MTREX: variants seen among roughly 807,000 people sequenced by gnomAD.
The protein encoded by MTREX is Mtr4 exosome RNA helicase.
In MTREX, 76 loss-of-function variants were observed where a neutral mutation model predicts 135.4. The observed-to-expected ratio is 0.56, with a 90% CI of 0.47 to 0.68. MTREX has a LOEUF of 0.68. Among genes scored for constraint, MTREX ranks in the 30% least tolerant of loss-of-function variants. The pLI is 0.00. For synonymous variants in MTREX, 404 were observed against 401.6 expected (o/e 1.01, Z -0.07); for missense variants, 920 against 1,262.1 (o/e 0.73, Z 4.11).
At position 55,425,286 on chromosome 5, in the gene MTREX, T is replaced by C. The variant is rs778779412; in HGVS notation, c.*514T>C. The C allele has an allele frequency of 6.2e-6, 10 of 1,611,328 alleles. No homozygotes were observed. Among genetic ancestry groups the C allele is most frequent in the Middle Eastern group, 1.6e-4 (1 of 6,080 alleles). On this transcript the variant is annotated 3_prime_UTR_variant, in exon 27 of 27. Transcript: ENST00000230640. ...GTTGTATGAGAGTCCTCCTCTTTTCTTTCTTTAAAAGAAGTTCTTTCTTTG... is the reference window on the plus strand; with the variant it reads ...GTTGTATGAGAGTCCTCCTCTTTTCCTTCTTTAAAAGAAGTTCTTTCTTTG...
intron 18 of MTREX, among the ~76,000 whole-genome samples, chr5:55,384,018 G>A (rs1049276531): frequency 3.2e-4 from 48 of 152,194 alleles, no homozygotes; most frequent in Middle Eastern, 3.4e-3. Context: ...CAATCCTCCC[G>A]CCTTGGTCTC....
intron 13 of MTREX, among the ~76,000 whole-genome samples, chr5:55,351,691 T>C (rs1403898142): frequency 6.6e-6 from 1 of 152,160 alleles, no homozygotes; most frequent in Non-Finnish European, 1.5e-5. Context: ...TGGTTAGACT[T>C]AGGAAAGAGA....
rs1349183916 is a variant in MTREX at position 55,410,612 on chromosome 5, T to C, written c.2734T>C (p.Phe912Leu). The C allele has an allele frequency of 7.5e-6, 12 of 1,604,012 alleles. No individual in the cohort carries two copies. Among genetic ancestry groups the C allele is most frequent in the Middle Eastern group, 1.7e-4 (1 of 6,040 alleles). Residue 912 changes from phenylalanine (F) to leucine (L), a missense_variant, in exon 23 of 27, where the codon TTT becomes CTT. Physicochemically the swap from Phe to Leu is conservative, Grantham distance 22 (BLOSUM62 0). Transcript: ENST00000230640. ...ACAGGCAACAGCATTATTAAGCTGCTTTGTGTTTCAAGAGAATGTAAGTTA... is the reference window on the plus strand; with the variant it reads ...ACAGGCAACAGCATTATTAAGCTGCCTTGTGTTTCAAGAGAATGTAAGTTA... Reference protein sequence around the residue: ...AEQATALLSCFVFQENSSEMP... With the variant: ...AEQATALLSCLVFQENSSEMP...
At chr5:55,332,004 C>G (rs1390471988) in intron 5 of MTREX, among the ~76,000 whole-genome samples, 2 of 152,116 alleles carry the variant, frequency 1.3e-5, no homozygotes, top group African/African-American at 4.8e-5. Context: ...TGTATTACTA[C>G]AATAGTGCAC....
intron 3 of MTREX, among the ~76,000 whole-genome samples, chr5:55,325,400 C>T (rs1242098849): frequency 8.8e-5 from 13 of 148,002 alleles, no homozygotes; most frequent in Non-Finnish European, 1.8e-4. Context: ...GATGTGATCT[C>T]GGCTCACTGC....
intron 23 of MTREX, 31 bp downstream of exon 23, chr5:55,410,660 A>G (rs780385595): frequency 7.5e-7 from 1 of 1,330,012 alleles, no homozygotes; most frequent in Non-Finnish European, 1.1e-6. Context: ...CATCTTATTT[A>G]TTAATTCACA....
At chr5:55,366,935 C>A in intron 16 of MTREX, 60 bp downstream of exon 16, 1 of 1,350,014 alleles carries the variant, frequency 7.4e-7, no homozygotes, top group South Asian at 1.7e-5. Flanking sequence ...AGCAAAATGT[C>A]TGCATTATTG....
chr5:55,320,145 CAG>C lies in MTREX; in HGVS notation c.135-2178_135-2177del, dbSNP rs1431106638. Among the ~76,000 whole-genome samples, 3 of 151,608 alleles carry C rather than the reference CAG, an allele frequency of 2.0e-5. No homozygotes were observed. In the East Asian group the frequency reaches 5.8e-4, roughly 29 times the overall value. ...ACAAATTTTAGGTTTTGCTAGGTAT[CAG>C]AGAATGGACTTCATTATGGAAAGGT... On this transcript the variant is annotated intron_variant, in intron 1 of 26. Coordinates refer to ENST00000230640, the MANE Select transcript of MTREX (RefSeq NM_015360.5).
rs149780553 is a variant in MTREX, at chr5:55,351,662, G to T, written c.1431+633G>T. ...CATACAGAATAAAAGGATTAGTTTA[G>T]AGAAGACAAGGAAATTGCTGGTTAG... is the stretch of plus-strand genomic sequence containing the variant. On this transcript the variant is annotated intron_variant, in intron 13 of 26. Coordinates refer to ENST00000230640, the MANE Select transcript of MTREX (RefSeq NM_015360.5). Among the ~76,000 whole-genome samples, 204 of 152,290 alleles carry T rather than the reference G, an allele frequency of 1.3e-3. 2 individuals are homozygous for T. The Middle Eastern group carries it at 0.024, about 18-fold the overall frequency.
chr5:55,422,103 T>C (rs1005160966), intron 25 of MTREX, among the ~76,000 whole-genome samples: 1 of 152,232 alleles, frequency 6.6e-6, no homozygotes, highest in Non-Finnish European at 1.5e-5. Context: ...GTATTCCTAA[T>C]GTATTTCATA....
chr5:55,355,290 C>G (rs933787489), intron 14 of MTREX, among the ~76,000 whole-genome samples: 2 of 152,122 alleles, frequency 1.3e-5, no homozygotes, highest in African/African-American at 4.8e-5. Context: ...GCACTGGAGC[C>G]TGATGGAAAA....
rs369165825 is a variant in MTREX, at chr5:55,424,838, T to C, written c.*66T>C. On this transcript the variant is annotated 3_prime_UTR_variant, in exon 27 of 27. Coordinates refer to ENST00000230640, the MANE Select transcript of MTREX (RefSeq NM_015360.5). The stretch of plus-strand genomic sequence containing the variant: ...CTGTTTGATTACAGTTGACTACAAA[T>C]GCCTGCAAGTGTGGATTTGGTTCTC... 1 of 1,125,300 alleles carries C rather than the reference T, an allele frequency of 8.9e-7. No individual in the cohort carries two copies. Among genetic ancestry groups the C allele is most frequent in the African/African-American group, 1.5e-5 (1 of 64,952 alleles). The allele number at this position is 1,125,300 out of a possible 1,614,324, so 69.7% of individuals were successfully genotyped here.
chr5:55,425,578 T>C lies in MTREX; in HGVS notation c.*806T>C. The C allele has an allele frequency of 2.2e-6, 1 of 452,566 alleles. No individual in the cohort carries two copies. The allele number at this position is 452,566 out of a possible 1,614,324, so 28.0% of individuals were successfully genotyped here. A position where few individuals can be genotyped will look rare whatever the true frequency, so the allele number is the denominator to read the frequency against. ...CAATACTGAATAAAAGAGTTATTTC[T>C]ACATGTGAATTAGTTTTTTCAAGTC... is the stretch of plus-strand genomic sequence containing the variant. On this transcript the variant is annotated 3_prime_UTR_variant, in exon 27 of 27. Transcript: ENST00000230640.
At chr5:55,374,728 A>T (rs1411370740) in intron 16 of MTREX, among the ~76,000 whole-genome samples, 1 of 152,224 alleles carries the variant, frequency 6.6e-6, no homozygotes, top group African/African-American at 2.4e-5. Flanking sequence ...AGAAAACTGC[A>T]ACTATATATT....
At chr5:55,382,022 A>T (rs1430940488) in intron 18 of MTREX, among the ~76,000 whole-genome samples, 3 of 151,738 alleles carry the variant, frequency 2.0e-5, no homozygotes. Context: ...TTAAATTTTC[A>T]GTCTTGTTTA....
In MTREX at chr5:55,330,662, G is replaced by GTTTT. The variant is rs200025624; in HGVS notation, c.515+1859_515+1862dup. Among the ~76,000 whole-genome samples, 6 of 144,886 alleles carry GTTTT rather than the reference G, an allele frequency of 4.1e-5. No homozygotes were observed. The South Asian group carries it at 1.3e-3, about 32-fold the overall frequency. ...TCTTGATTATAATGTGACTGAGATAGTTTTTTTTTTTCCCATGTTTCTTAT... is the reference window on the plus strand; with the variant it reads ...TCTTGATTATAATGTGACTGAGATAGTTTTTTTTTTTTTTTCCCATGTTTCTTAT... On this transcript the variant is annotated intron_variant, in intron 5 of 26. Coordinates refer to ENST00000230640, the MANE Select transcript of MTREX (RefSeq NM_015360.5).
intron 15 of MTREX, among the ~76,000 whole-genome samples, chr5:55,360,321 T>C (rs1008351426): frequency 1.3e-5 from 2 of 152,202 alleles, no homozygotes; most frequent in African/African-American, 4.8e-5. Context: ...ATTGTATGGG[T>C]ATGCCAAACT....
At chr5:55,348,219 G>A (rs1424211951) in intron 11 of MTREX, among the ~76,000 whole-genome samples, 4 of 152,200 alleles carry the variant, frequency 2.6e-5, no homozygotes, top group Admixed American at 2.6e-4. Flanking sequence ...CAGTAGGGCA[G>A]GAGAGCATGC....
chr5:55,348,176 G>C (rs753808029), intron 11 of MTREX, among the ~76,000 whole-genome samples: 1 of 152,154 alleles, frequency 6.6e-6, no homozygotes, highest in East Asian at 1.9e-4. Flanking sequence ...TCTAGTGAGG[G>C]CCTTTTTTGT....
Sources: gnomAD v4.1 joint callset for allele counts (sites outside exome capture counted in the v4.1 genomes callset) on GRCh38, gnomAD v4.1.1 for gene constraint, MANE v1.5 for transcripts, NCBI Gene and HGNC (gene_info 2026-07-23, HGNC 2026-07-21) for gene names.